SYNE2: variants seen among roughly 807,000 people sequenced by gnomAD.
The protein encoded by SYNE2 is spectrin repeat containing nuclear envelope protein 2.
Under a neutral mutation model 856.3 loss-of-function variants are expected in SYNE2, and 431 were observed. The observed-to-expected ratio is 0.50, with a 90% confidence interval of 0.47 to 0.55. The LOEUF is 0.55. Ranked by LOEUF, SYNE2 falls within the 20% of genes least tolerant of loss-of-function variation. SYNE2 has a pLI of 0.00. For missense variants in SYNE2, 8,129 were observed against 8,023.2 expected, an observed-to-expected ratio of 1.01 and a Z score of -0.50; for synonymous variants, 2,923 against 2,872.3, an observed-to-expected ratio of 1.02 and a Z score of -0.56.
rs768042807 is a variant in SYNE2, at chr14:64,137,901, C to T, written c.14761C>T (p.Leu4921=). 3.7e-5 allele frequency: 60 copies of T among 1,614,078 alleles called. No individual in the cohort carries two copies. The highest frequency in any genetic ancestry group is 5.0e-5 in the Non-Finnish European group (59 of 1,180,042). The part of the protein sequence containing the change: ...CPELEGQIAK[L]EEQWLSLNKK... Reference sequence around the variant, plus strand: ...TGAATTAGAGGGCCAGATCGCAAAACTGGAAGAGCAGTGGTTGTCCCTGAA... The same window carrying T: ...TGAATTAGAGGGCCAGATCGCAAAATTGGAAGAGCAGTGGTTGTCCCTGAA... Residue 4921 remains leucine (L), a synonymous_variant, in exon 79 of 116, where the codon CTG becomes TTG. Transcript: ENST00000555002.
At chr14:64,113,697 C>T in intron 66 of SYNE2, 126 bp downstream of exon 66, 2 of 1,072,326 alleles carry the variant, frequency 1.9e-6, no homozygotes, top group Non-Finnish European at 2.8e-6. Flanking sequence ...TTATCTTGGC[C>T]TCAGCTTTTA....
intron 2 of SYNE2, among the ~76,000 whole-genome samples, chr14:63,916,677 G>GT (rs1262663026): frequency 3.9e-5 from 6 of 152,208 alleles, no homozygotes; most frequent in Non-Finnish European, 5.9e-5. Flanking sequence ...TGTCTATGAT[G>GT]TTTAGGGGCT....
At chr14:64,155,219 G>T (rs1310003373) in intron 85 of SYNE2, among the ~76,000 whole-genome samples, 1 of 152,120 alleles carries the variant, frequency 6.6e-6, no homozygotes, top group Non-Finnish European at 1.5e-5. Flanking sequence ...CAACCCAACT[G>T]TCCATCTACT....
At chr14:64,225,236 C>G in intron 115 of SYNE2, 83 bp from the exon 116 acceptor site, 3 of 1,602,976 alleles carry the variant, frequency 1.9e-6, no homozygotes, top group Non-Finnish European at 2.6e-6. Context: ...GGATTTCTTA[C>G]TTACATAAGC....
At chr14:63,977,252 G>A (rs747934922) in intron 12 of SYNE2, among the ~76,000 whole-genome samples, 4 of 151,824 alleles carry the variant, frequency 2.6e-5, no homozygotes, top group Admixed American at 6.6e-5. Context: ...TTGCTCTGTC[G>A]TCCAGGCTGG....
intron 2 of SYNE2, among the ~76,000 whole-genome samples, chr14:63,923,377 C>T (rs1420202229): frequency 6.6e-6 from 1 of 152,222 alleles, no homozygotes; most frequent in Non-Finnish European, 1.5e-5. Flanking sequence ...ACTCCACATG[C>T]TGAGGCTCAA....
chr14:63,788,340 C>T (rs1024892798), intron 1 of SYNE2, among the ~76,000 whole-genome samples: 7 of 152,018 alleles, frequency 4.6e-5, no homozygotes, highest in South Asian at 2.1e-4. Flanking sequence ...AGGGAGTTCT[C>T]GCCCTGCCAA....
chr14:64,152,806 G>A lies in SYNE2; in HGVS notation c.15792+90G>A. 2.0e-6 allele frequency: 3 copies of A among 1,516,020 alleles called. No homozygotes were observed. The East Asian group carries it at 6.9e-5, about 35-fold the overall frequency. 93.9% of individuals were successfully genotyped at this position (1,516,020 alleles called of 1,614,324 possible). On this transcript the variant is annotated intron_variant, in intron 85 of 115. Coordinates refer to ENST00000555002, the MANE Select transcript of SYNE2 (RefSeq NM_182914.3). The stretch of plus-strand genomic sequence containing the variant: ...TAGTTGTTTTCGTCCTTTACTCATG[G>A]AGACTCTCTATACCAAACACTGAAA...
At chr14:64,158,597 A>T in intron 85 of SYNE2, 28 bp from the exon 86 acceptor site, 1 of 1,613,052 alleles carries the variant, frequency 6.2e-7, no homozygotes, top group Non-Finnish European at 8.5e-7. Context: ...TGATTTTCTA[A>T]ATCAGTACGT....
intron 97 of SYNE2, among the ~76,000 whole-genome samples, chr14:64,187,792 C>T (rs958933879): frequency 1.3e-5 from 2 of 152,120 alleles, no homozygotes; most frequent in African/African-American, 4.8e-5. Flanking sequence ...ATTCTTAAAA[C>T]CTGGGAATAC....
chr14:63,805,611 G>A (rs1054297720), intron 1 of SYNE2, among the ~76,000 whole-genome samples: 12 of 148,648 alleles, frequency 8.1e-5, no homozygotes, highest in African/African-American at 2.7e-4. Flanking sequence ...TCCTGACCTC[G>A]TGATCCGCCC....
At chr14:63,851,085 G>A (rs12161903), upstream of SYNE2, among the ~76,000 whole-genome samples, 68,632 of 152,000 alleles carry the variant, frequency 0.45, 16,454 homozygotes, top group South Asian at 0.55. Flanking sequence ...GCATATGGCC[G>A]GATGCGGTGG....
chr14:63,976,811 G>A, intron 12 of SYNE2, 84 bp downstream of exon 12: 4 of 1,459,646 alleles, frequency 2.7e-6, no homozygotes, highest in Non-Finnish European at 3.8e-6. Flanking sequence ...CTAAAAAGAA[G>A]AGAAGGATAA....
intron 1 of SYNE2, among the ~76,000 whole-genome samples, chr14:63,831,549 C>CTTT (rs1211983068): frequency 0.011 from 736 of 69,522 alleles, no homozygotes; most frequent in Non-Finnish European, 0.014. Context: ...AATGTTCATT[C>CTTT]TTTTTTTTTT....
Position 64,219,320 on chromosome 14 carries a change from G to A in SYNE2, c.19770G>A (p.Leu6590=). Reference sequence around the variant, plus strand: ...ATATCAGCGCCATCACTACTTGGCTGAAAAAAACTGAAGCAGAGCTGGAAA... The same window carrying A: ...ATATCAGCGCCATCACTACTTGGCTAAAAAAAACTGAAGCAGAGCTGGAAA... ...NSDISAITTW[L]KKTEAELEML... The change falls in exon 110 of 116, where the codon CTG becomes CTA. Residue 6590 remains leucine, a synonymous_variant. Transcript: ENST00000555002. 6.2e-7 allele frequency: 1 copy of A among 1,614,030 alleles called. No individual in the cohort carries two copies. Among genetic ancestry groups the A allele is most frequent in the Non-Finnish European group, 8.5e-7 (1 of 1,180,002 alleles).
intron 1 of SYNE2, among the ~76,000 whole-genome samples, chr14:63,822,483 A>G (rs1220578985): frequency 6.6e-6 from 1 of 152,088 alleles, no homozygotes; most frequent in Non-Finnish European, 1.5e-5. Context: ...ATCAGTGGCA[A>G]TCATTTAACA....
At chr14:64,120,494 T>G (rs1156663561) in intron 67 of SYNE2, among the ~76,000 whole-genome samples, 1 of 152,248 alleles carries the variant, frequency 6.6e-6, no homozygotes, top group Admixed American at 6.5e-5. Flanking sequence ...CTGGGTGTGG[T>G]GGCTCACGCC....
chr14:64,061,943 T>A (rs1000540788), intron 49 of SYNE2, among the ~76,000 whole-genome samples: 18 of 152,240 alleles, frequency 1.2e-4, no homozygotes, highest in African/African-American at 4.3e-4. Flanking sequence ...ATTTCCATTT[T>A]ACAGTTTGAC....
intron 2 of SYNE2, among the ~76,000 whole-genome samples, chr14:63,935,461 TCAAC>T (rs763407445): frequency 6.6e-5 from 10 of 152,236 alleles, no homozygotes; most frequent in Non-Finnish European, 8.8e-5. Flanking sequence ...TTTTAATTCT[TCAAC>T]CAGAGCTCTT....
Sources: gnomAD v4.1 joint callset for allele counts (sites outside exome capture counted in the v4.1 genomes callset) on GRCh38, gnomAD v4.1.1 for gene constraint, MANE v1.5 for transcripts, NCBI Gene and HGNC (gene_info 2026-07-23, HGNC 2026-07-21) for gene names.